Variants in COBL observed in about 807,000 individuals in gnomAD.
COBL encodes the protein cordon-bleu WH2 repeat protein, also known as protein cordon-bleu.
COBL carries 51 observed loss-of-function variants against 98.8 expected under a neutral mutation model. The observed-to-expected ratio is 0.52, with a 90% confidence interval of 0.41 to 0.65. The LOEUF (loss-of-function observed/expected upper bound fraction) is 0.65. Ranked by LOEUF, COBL falls within the 30% of genes least tolerant of loss-of-function variation. The probability of loss-of-function intolerance (pLI) is 0.00; values close to 1 mark genes in which losing one functional copy is unlikely to be tolerated. For missense variants in COBL, 1,617 were observed against 1,617.5 expected, an observed-to-expected ratio of 1.00 and a Z score of 0.01; for synonymous variants, 634 against 651.7, an observed-to-expected ratio of 0.97 and a Z score of 0.41.
chr7:51,089,478 G>A (rs1391441891), intron 6 of COBL, among the ~76,000 whole-genome samples: 1 of 151,686 alleles, frequency 6.6e-6, no homozygotes, highest in African/African-American at 2.4e-5. Context: ...TCATGCCAGT[G>A]CACTCCAGCC....
At chr7:51,269,373 C>T (rs1490737299) in intron 1 of COBL, among the ~76,000 whole-genome samples, 1 of 152,100 alleles carries the variant, frequency 6.6e-6, no homozygotes, top group Non-Finnish European at 1.5e-5. Flanking sequence ...GCATCAGTGA[C>T]CCAGGTAAGA....
intron 7 of COBL, among the ~76,000 whole-genome samples, chr7:51,048,357 T>C (rs1237742875): frequency 1.3e-5 from 2 of 152,196 alleles, no homozygotes; most frequent in African/African-American, 4.8e-5. Flanking sequence ...AATATTGTAA[T>C]TTTTTAAATT....
chr7:51,158,144 C>G (rs1470432567), intron 5 of COBL, among the ~76,000 whole-genome samples: 3 of 152,212 alleles, frequency 2.0e-5, no homozygotes, highest in Non-Finnish European at 4.4e-5. Context: ...GCTAAACACA[C>G]ATTAACATTT....
intron 5 of COBL, among the ~76,000 whole-genome samples, chr7:51,146,025 T>C (rs1784999610): frequency 6.6e-6 from 1 of 152,160 alleles, no homozygotes; most frequent in African/African-American, 2.4e-5. Context: ...TCATTTTTAT[T>C]CTCTCTTAAG....
chr7:51,310,847 G>A (rs1399694594), intron 1 of COBL, among the ~76,000 whole-genome samples: 1 of 152,064 alleles, frequency 6.6e-6, no homozygotes, highest in Non-Finnish European at 1.5e-5. Flanking sequence ...TAGTAGAGAT[G>A]GGGTTTCACC....
intron 1 of COBL, among the ~76,000 whole-genome samples, chr7:51,267,278 T>C (rs1238513861): frequency 6.6e-6 from 1 of 152,186 alleles, no homozygotes; most frequent in Non-Finnish European, 1.5e-5. Flanking sequence ...AAGATTTTCC[T>C]CTGTTCAGGC....
At chr7:51,232,340 G>A (rs1723755254) in intron 1 of COBL, among the ~76,000 whole-genome samples, 1 of 152,018 alleles carries the variant, frequency 6.6e-6, no homozygotes, top group South Asian at 2.1e-4. Flanking sequence ...GCCTTTTCTG[G>A]GGGACCATGA....
At position 51,028,765 on chromosome 7, in the gene COBL, T is replaced by G; in HGVS notation, c.2331A>C (p.Glu777Asp). The G allele has an allele frequency of 6.2e-7, 1 of 1,614,236 alleles. No individual in the cohort carries two copies. Among genetic ancestry groups the G allele is most frequent in the Non-Finnish European group, 8.5e-7 (1 of 1,180,044 alleles). The change falls in exon 10 of 13, where the codon GAA becomes GAC. Residue 777 changes from glutamate to aspartate, a missense_variant. By Grantham distance (45) the Glu-to-Asp change is conservative. This residue lies in a region of COBL where 1,304 missense variants were observed against 1,282.0 expected (regional missense o/e 1.02). Coordinates refer to ENST00000265136, the MANE Select transcript of COBL (RefSeq NM_015198.5). ...VREFWRCNSV[E>D]KHLGRPSESS... ...TCTCTGAGGGTCGGCCCAGGTGTTT[T>G]TCCACAGAGTTGCACCTCCAGAACT...
chr7:51,103,014 T>G (rs1795944747), intron 6 of COBL, among the ~76,000 whole-genome samples: 1 of 152,200 alleles, frequency 6.6e-6, no homozygotes, highest in Non-Finnish European at 1.5e-5. Context: ...ACAACACTCT[T>G]GTGCATTTCA....
chr7:51,088,348 C>A (rs10254580), intron 6 of COBL, among the ~76,000 whole-genome samples: 2 of 150,972 alleles, frequency 1.3e-5, no homozygotes, highest in Non-Finnish European at 2.9e-5. Context: ...ATTTCCCCCC[C>A]TCTTGGAAAT....
At chr7:51,138,584 T>C (rs1799450458) in intron 5 of COBL, among the ~76,000 whole-genome samples, 1 of 152,212 alleles carries the variant, frequency 6.6e-6, no homozygotes, top group African/African-American at 2.4e-5. Flanking sequence ...GGCCAGAGCA[T>C]GGACACTGGG....
rs375104585 is a variant in COBL at position 51,215,189 on chromosome 7, C to T, written c.245+4552G>A. On this transcript the variant is annotated intron_variant, in intron 2 of 12. Coordinates refer to ENST00000265136, the MANE Select transcript of COBL (RefSeq NM_015198.5). ...ATAACACCAATGTCAAAAACACCAA[C>T]AGCACCTTCTGTGAACGTTTAGGAA... Among the ~76,000 whole-genome samples, 41 of 152,342 alleles carry T rather than the reference C, an allele frequency of 2.7e-4. 1 individual carries two copies. In the South Asian group the frequency reaches 8.5e-3, roughly 32 times the overall value.
At chr7:51,169,100 T>C (rs1787607647) in intron 5 of COBL, among the ~76,000 whole-genome samples, 1 of 152,150 alleles carries the variant, frequency 6.6e-6, no homozygotes, top group Non-Finnish European at 1.5e-5. Flanking sequence ...TACAATATAT[T>C]CTCTCTGAAG....
intron 8 of COBL, among the ~76,000 whole-genome samples, chr7:51,037,783 C>T (rs1788783652): frequency 6.6e-6 from 1 of 152,198 alleles, no homozygotes; most frequent in Admixed American, 6.5e-5. Flanking sequence ...AAATTATAAT[C>T]GGATACCATC....
At position 51,289,529 on chromosome 7, in the gene COBL, T is replaced by C. The variant is rs1055839877; in HGVS notation, c.41+27064A>G. On this transcript the variant is annotated intron_variant, in intron 1 of 12. Coordinates refer to ENST00000265136, the MANE Select transcript of COBL (RefSeq NM_015198.5). ...GGCAGCAGGGCTCAGAGGACCTTCA[T>C]GTGCTGATCCTGCCCATCTGCTCTC... 2.0e-5 allele frequency among the ~76,000 whole-genome samples: 3 copies of C among 152,256 alleles called. No individual in the cohort carries two copies. In the South Asian group the frequency reaches 6.2e-4, roughly 31 times the overall value.
In COBL at chr7:51,254,071, G is replaced by T. The variant is rs529902528; in HGVS notation, c.42-34127C>A. The stretch of plus-strand genomic sequence containing the variant: ...CATCCTCATTCTTCCTTTTTGAGTT[G>T]TTTTTTTTTTGTCAAAAGAAAGCAA... On this transcript the variant is annotated intron_variant, in intron 1 of 12. Transcript: ENST00000265136. Among the ~76,000 whole-genome samples, 953 of 147,396 alleles carry T rather than the reference G, an allele frequency of 6.5e-3. 11 individuals are homozygous for T. Among genetic ancestry groups the T allele is most frequent in the African/African-American group, 0.022 (896 of 40,030 alleles).
chr7:51,237,059 G>A (rs34221060), intron 1 of COBL, among the ~76,000 whole-genome samples: 47,390 of 151,730 alleles, frequency 0.31, 9,380 homozygotes, highest in Non-Finnish European at 0.44. Flanking sequence ...GTTTCTCCCT[G>A]ACTGCTTCTT....
intron 6 of COBL, among the ~76,000 whole-genome samples, chr7:51,131,998 G>C (rs1244719836): frequency 6.6e-6 from 1 of 152,200 alleles, no homozygotes; most frequent in East Asian, 1.9e-4. Flanking sequence ...TGTAGTTTGT[G>C]GCTGAGAAGG....
chr7:51,024,552 A>G (rs1787310353), intron 12 of COBL, among the ~76,000 whole-genome samples: 3 of 152,192 alleles, frequency 2.0e-5, no homozygotes, highest in African/African-American at 7.2e-5. Context: ...GCACAAGACC[A>G]AAATGGAGAA....
Sources: gnomAD v4.1 joint callset for allele counts (sites outside exome capture counted in the v4.1 genomes callset) on GRCh38, gnomAD v4.1.1 for gene constraint, gnomAD v4.1.1 regional missense constraint, MANE v1.5 for transcripts, NCBI Gene and HGNC (gene_info 2026-07-23, HGNC 2026-07-21) for gene names.